PTPN18: variants seen among roughly 807,000 people sequenced by gnomAD.
The protein encoded by PTPN18 is protein tyrosine phosphatase non-receptor type 18.
In PTPN18, 65 loss-of-function variants were observed where a neutral mutation model predicts 65.4. That is an observed-to-expected ratio of 0.99 (90% CI 0.81 to 1.22). The LOEUF is 1.22. PTPN18 is among the 50% of genes most tolerant of loss of function. The pLI, the probability that PTPN18 is intolerant of heterozygous loss-of-function variation, is 0.00. For missense variants in PTPN18, 616 were observed against 646.5 expected (o/e 0.95, Z 0.51); for synonymous variants, 255 against 267.8 (o/e 0.95, Z 0.47).
chr2:130,361,557 T>TCTTTCCTTTCTTTC (rs1553458553), intron 5 of PTPN18, among the ~76,000 whole-genome samples: 3 of 78,568 alleles, frequency 3.8e-5, no homozygotes, highest in African/African-American at 8.7e-5. Flanking sequence ...TTTCTTTCTT[T>TCTTTCCTTTCTTTC]CTTTCTTTCC....
chr2:130,356,194 G>A lies in PTPN18; in HGVS notation c.87G>A (p.Glu29=). The A allele has an allele frequency of 7.6e-7, 1 of 1,318,308 alleles. No individual in the cohort carries two copies. The highest frequency in any genetic ancestry group is 9.6e-7 in the Non-Finnish European group (1 of 1,036,716). The allele number at this position is 1,318,308 out of a possible 1,614,324, so 81.7% of individuals were successfully genotyped here. A position where few individuals can be genotyped will look rare whatever the true frequency, so the allele number is the denominator to read the frequency against. The change falls in exon 1 of 15, where the codon GAG becomes GAA. Residue 29 remains glutamate, a synonymous_variant. Transcript: ENST00000175756. The part of the protein sequence containing the change: ...GGREGAVLAG[E]FSDIQACSAA... The stretch of plus-strand genomic sequence containing the variant: ...GGGAGGGGGCAGTCCTCGCCGGCGA[G>A]TTCAGCGTGAGTGGCACACGGGGTC...
intron 5 of PTPN18, among the ~76,000 whole-genome samples, chr2:130,367,600 G>A (rs1680426720): frequency 6.6e-6 from 1 of 152,126 alleles, no homozygotes; most frequent in African/African-American, 2.4e-5. Context: ...CTTGAACCTG[G>A]GAGTTGCAGG....
rs1380894820 is a variant in PTPN18 at position 130,356,425 on chromosome 2, C to A, written c.93+225C>A. Among the ~76,000 whole-genome samples the A allele has an allele frequency of 8.5e-5, 13 of 152,266 alleles. No individual in the cohort carries two copies. In the East Asian group the frequency reaches 2.5e-3, roughly 30 times the overall value. ...CCGGAGCGCGACGTCCACGGCCAGG[C>A]CGGGACGGACCGTGCACACCCTCGT... On this transcript the variant is annotated intron_variant, in intron 1 of 14. Coordinates refer to ENST00000175756, the MANE Select transcript of PTPN18 (RefSeq NM_014369.4).
At position 130,369,146 on chromosome 2, in the gene PTPN18, G is replaced by A. The variant is rs141127601; in HGVS notation, c.428G>A (p.Arg143Gln). 4.5e-5 allele frequency: 72 copies of A among 1,612,398 alleles called. No individual in the cohort carries two copies. The highest frequency in any genetic ancestry group is 4.4e-4 in the African/African-American group (33 of 74,966). ...TACCTTTTGCAGAAAAGGTGTGAGCGGTACTGGGCCCAGGAGCAGGAGCCA... is the reference window on the plus strand; with the variant it reads ...TACCTTTTGCAGAAAAGGTGTGAGCAGTACTGGGCCCAGGAGCAGGAGCCA... ...EIENGRKRCERYWAQEQEPLQ... is the reference protein window; with the variant it reads ...EIENGRKRCEQYWAQEQEPLQ... Residue 143 changes from arginine (R) to glutamine (Q), a missense_variant, in exon 6 of 15, where the codon CGG (arginine) becomes CAG (glutamine). Physicochemically the swap from Arg to Gln is conservative, Grantham distance 43 (BLOSUM62 1). This residue lies in a region of PTPN18 where 223 missense variants were observed against 210.0 expected (regional missense o/e 1.06). Coordinates refer to ENST00000175756, the MANE Select transcript of PTPN18 (RefSeq NM_014369.4).
At chr2:130,364,343 T>A (rs1425247565) in intron 5 of PTPN18, among the ~76,000 whole-genome samples, 2 of 152,238 alleles carry the variant, frequency 1.3e-5, no homozygotes, top group Non-Finnish European at 2.9e-5. Context: ...TGTCCTTTTT[T>A]CAAGGTTCAT....
chr2:130,374,586 T>C lies in PTPN18; in HGVS notation c.*1362T>C, dbSNP rs972890647. On this transcript the variant is annotated 3_prime_UTR_variant, in exon 15 of 15. Coordinates refer to ENST00000175756, the MANE Select transcript of PTPN18 (RefSeq NM_014369.4). ...GTCTCTGTGCACTGGTGTGGACAAATCTCCAAGTCACTGCAAAATGGAAAA... is the reference window on the plus strand; with the variant it reads ...GTCTCTGTGCACTGGTGTGGACAAACCTCCAAGTCACTGCAAAATGGAAAA... 1 of 470,588 alleles carries C rather than the reference T, an allele frequency of 2.1e-6. No individual in the cohort carries two copies. Among genetic ancestry groups the C allele is most frequent in the Admixed American group, 2.3e-5 (1 of 42,556 alleles). 29.2% of individuals were successfully genotyped at this position (470,588 alleles called of 1,614,324 possible).
chr2:130,363,033 A>T (rs1329387605), intron 5 of PTPN18, among the ~76,000 whole-genome samples: 3 of 150,806 alleles, frequency 2.0e-5, no homozygotes. Flanking sequence ...GTTAGCCAGG[A>T]TGGTCTCAAT....
rs1158460254 is a variant in PTPN18 at position 130,370,974 on chromosome 2, C to T, written c.924+10C>T. The T allele has an allele frequency of 1.2e-6, 2 of 1,611,746 alleles. No individual in the cohort carries two copies. The highest frequency in any genetic ancestry group is 1.3e-5 in the African/African-American group (1 of 74,758). On this transcript the variant is annotated intron_variant, in intron 11 of 14. Coordinates refer to ENST00000175756, the MANE Select transcript of PTPN18 (RefSeq NM_014369.4). ...CCAGAACATCAAAGAGGTACAGAGGCTCCTTTCCCACTCTCCTGTCCACCA... is the reference window on the plus strand; with the variant it reads ...CCAGAACATCAAAGAGGTACAGAGGTTCCTTTCCCACTCTCCTGTCCACCA...
intron 8 of PTPN18, 167 bp from the exon 9 acceptor site, chr2:130,370,390 T>C: frequency 1.8e-6 from 2 of 1,106,690 alleles, no homozygotes; most frequent in Non-Finnish European, 2.6e-6. Flanking sequence ...CTCAACAAAA[T>C]GTAAGTGATT....
At chr2:130,356,236 C>T (rs989353981) in intron 1 of PTPN18, 36 bp downstream of exon 1, 50 of 1,280,318 alleles carry the variant, frequency 3.9e-5, no homozygotes, top group African/African-American at 1.4e-4. Context: ...CGGCGCGCCC[C>T]GGCCCTGGCC....
chr2:130,371,419 T>C (rs1156612072), intron 12 of PTPN18, 132 bp downstream of exon 12: 3 of 750,696 alleles, frequency 4.0e-6, no homozygotes, highest in African/African-American at 1.8e-5. Context: ...AATTGAGCTC[T>C]GGGAACCCAC....
intron 11 of PTPN18, 59 bp downstream of exon 11, chr2:130,371,023 C>G (rs1428062360): frequency 1.9e-5 from 29 of 1,561,654 alleles, no homozygotes; most frequent in Non-Finnish European, 2.5e-5. Flanking sequence ...AGACCAGGAC[C>G]CCGAGCAGGG....
At chr2:130,366,375 T>A (rs76073246) in intron 5 of PTPN18, among the ~76,000 whole-genome samples, 1 of 152,344 alleles carries the variant, frequency 6.6e-6, no homozygotes, top group East Asian at 1.9e-4. Context: ...ATTTTGTTCT[T>A]TGCATCTATT....
In PTPN18 at chr2:130,369,834, T is replaced by C. The variant is rs1558846300; in HGVS notation, c.546+7T>C. On this transcript the variant is annotated splice_region_variant and intron_variant, in intron 7 of 14. Transcript: ENST00000175756. The stretch of plus-strand genomic sequence containing the variant: ...CAAGGTCACATTCCAGAAGGTACTG[T>C]GACAGGGGAGGAGGAGGTAAAGGGG... 6 of 1,590,094 alleles carry C rather than the reference T, an allele frequency of 3.8e-6. No individual in the cohort carries two copies. The highest frequency in any genetic ancestry group is 4.3e-6 in the Non-Finnish European group (5 of 1,158,690).
chr2:130,367,689 CTCT>C (rs987997371), intron 5 of PTPN18, among the ~76,000 whole-genome samples: 3 of 151,212 alleles, frequency 2.0e-5, no homozygotes, highest in Non-Finnish European at 4.4e-5. Flanking sequence ...ATTTTTTTTT[CTCT>C]TCTTCATTCT....
chr2:130,375,088 C>T lies in PTPN18; in HGVS notation c.*1864C>T, dbSNP rs111841242. 0.048 allele frequency: 9,633 copies of T among 198,694 alleles called. 344 individuals are homozygous for T. The highest frequency in any genetic ancestry group is 0.071 in the Non-Finnish European group (6,802 of 95,410). 12.3% of individuals were successfully genotyped at this position (198,694 alleles called of 1,614,324 possible). The stretch of plus-strand genomic sequence containing the variant: ...TTCTCTGTTTTCGTGAAAGAGCTGA[C>T]CCTGTGCTGCCTCCCACTCTCCCAA... On this transcript the variant is annotated 3_prime_UTR_variant, in exon 15 of 15. Transcript: ENST00000175756.
rs2104946801 is a variant in PTPN18, at chr2:130,369,041, G to A, written c.415-92G>A. The A allele has an allele frequency of 7.4e-6, 8 of 1,078,866 alleles. No homozygotes were observed. In the South Asian group the frequency reaches 8.4e-5, roughly 11 times the overall value. 66.8% of individuals were successfully genotyped at this position (1,078,866 alleles called of 1,614,324 possible). A position where few individuals can be genotyped will look rare whatever the true frequency, so the allele number is the denominator to read the frequency against. ...GTATAGCTGCCTGTGCTTCCACCACGAGCACCTGGGGTGTCTTGTGGCATG... is the reference window on the plus strand; with the variant it reads ...GTATAGCTGCCTGTGCTTCCACCACAAGCACCTGGGGTGTCTTGTGGCATG... On this transcript the variant is annotated intron_variant, in intron 5 of 14. Coordinates refer to ENST00000175756, the MANE Select transcript of PTPN18 (RefSeq NM_014369.4).
intron 8 of PTPN18, 104 bp from the exon 9 acceptor site, chr2:130,370,453 C>T: frequency 7.5e-7 from 1 of 1,327,208 alleles, no homozygotes; most frequent in Non-Finnish European, 1.1e-6. Context: ...AATCAAGAGG[C>T]TCTGCAGGGG....
At chr2:130,357,163 TG>T (rs1308383893) in intron 1 of PTPN18, among the ~76,000 whole-genome samples, 1 of 152,164 alleles carries the variant, frequency 6.6e-6, no homozygotes, top group Non-Finnish European at 1.5e-5. Context: ...ACAGCTGAGA[TG>T]GTGCCACTGC....
Sources: allele counts gnomAD v4.1 joint callset (sites outside exome capture counted in the v4.1 genomes callset), GRCh38; gene constraint gnomAD v4.1.1; regional missense constraint gnomAD v4.1.1; transcripts MANE v1.5; gene names NCBI Gene and HGNC (gene_info 2026-07-23, HGNC 2026-07-21).